INPP5F: variants seen among roughly 807,000 people sequenced by gnomAD.
The protein encoded by INPP5F is phosphatidylinositide 4-phosphatase SAC2.
Under a neutral mutation model 137.2 loss-of-function variants are expected in INPP5F, and 97 were observed. The ratio of observed to expected loss-of-function variants is 0.71; its 90% CI spans 0.60 to 0.84. The LOEUF is 0.84. Among genes scored for constraint, INPP5F ranks in the 40% least tolerant of loss-of-function variants. INPP5F has a pLI of 0.00. For synonymous variants in INPP5F, 504 were observed against 476.9 expected (o/e 1.06, Z -0.74); for missense variants, 1,271 against 1,371.9 (o/e 0.93, Z 1.16).
At chr10:119,818,532 C>T (rs932410922) in intron 15 of INPP5F, among the ~76,000 whole-genome samples, 5 of 152,248 alleles carry the variant, frequency 3.3e-5, no homozygotes, top group African/African-American at 9.6e-5. Flanking sequence ...AGCGAACTCT[C>T]GCGGGAGTGG....
At chr10:119,776,907 T>A (rs1175120030) in intron 2 of INPP5F, among the ~76,000 whole-genome samples, 1 of 152,008 alleles carries the variant, frequency 6.6e-6, no homozygotes, top group African/African-American at 2.4e-5. Context: ...TGTACCACCA[T>A]GCCCAGATAA....
chr10:119,785,096 T>A (rs1849835451), intron 3 of INPP5F, among the ~76,000 whole-genome samples: 1 of 152,144 alleles, frequency 6.6e-6, no homozygotes, highest in African/African-American at 2.4e-5. Flanking sequence ...TTTTATTTAT[T>A]TGTTCATCAG....
chr10:119,808,796 C>G (rs1241514936), intron 13 of INPP5F, among the ~76,000 whole-genome samples: 1 of 152,176 alleles, frequency 6.6e-6, no homozygotes, highest in Non-Finnish European at 1.5e-5. Context: ...AATCATTCTT[C>G]AAGGTTCTAG....
At chr10:119,757,089 T>A (rs1489167156) in intron 2 of INPP5F, among the ~76,000 whole-genome samples, 1 of 151,974 alleles carries the variant, frequency 6.6e-6, no homozygotes, top group Admixed American at 6.6e-5. Flanking sequence ...ATTTATTTAT[T>A]TTTGAGACAG....
chr10:119,737,207 T>G (rs1485955320), intron 1 of INPP5F, among the ~76,000 whole-genome samples: 1 of 152,238 alleles, frequency 6.6e-6, no homozygotes, highest in African/African-American at 2.4e-5. Context: ...GTGTATTTCC[T>G]TCTGCTAGTT....
intron 2 of INPP5F, among the ~76,000 whole-genome samples, chr10:119,755,916 G>T (rs1360557273): frequency 6.6e-6 from 1 of 152,178 alleles, no homozygotes; most frequent in Non-Finnish European, 1.5e-5. Flanking sequence ...CTAGCACTTT[G>T]GGAGGCTGAG....
Position 119,820,859 on chromosome 10 carries a change from A to G in INPP5F, c.1900A>G (p.Thr634Ala), listed in dbSNP as rs769360277. Reference protein sequence around the residue: ...IDCDPSLIDATHRDVDVLLLL... With the variant: ...IDCDPSLIDAAHRDVDVLLLL... ...ATATTTGTTTAGCCTCATTGATGCT[A>G]CTCACAGAGACGTGGATGTGCTGTT... The change falls in exon 16 of 20, where the codon ACT becomes GCT. Residue 634 changes from threonine (T) to alanine (A), a missense_variant. Thr to Ala is a moderately conservative substitution (Grantham distance 58). Transcript: ENST00000650623. 1.9e-6 allele frequency: 3 copies of G among 1,609,578 alleles called. No individual in the cohort carries two copies. In the South Asian group the frequency reaches 3.3e-5, roughly 18 times the overall value.
chr10:119,766,666 A>G (rs1849173757), intron 2 of INPP5F, among the ~76,000 whole-genome samples: 1 of 151,986 alleles, frequency 6.6e-6, no homozygotes, highest in Non-Finnish European at 1.5e-5. Context: ...AAGCATTGAT[A>G]GAAACAATGG....
At chr10:119,753,295 C>T (rs1042709693) in intron 2 of INPP5F, among the ~76,000 whole-genome samples, 1 of 152,134 alleles carries the variant, frequency 6.6e-6, no homozygotes, top group Non-Finnish European at 1.5e-5. Context: ...GTTAGGAGAC[C>T]TGAAGACAAG....
At chr10:119,813,987 C>T (rs528306577) in intron 15 of INPP5F, among the ~76,000 whole-genome samples, 21 of 152,250 alleles carry the variant, frequency 1.4e-4, no homozygotes, top group Admixed American at 1.2e-3. Flanking sequence ...TGACTCCCAC[C>T]TCTGTCCAGT....
intron 2 of INPP5F, among the ~76,000 whole-genome samples, chr10:119,759,649 C>A (rs1848952410): frequency 6.6e-6 from 1 of 152,162 alleles, no homozygotes; most frequent in South Asian, 2.1e-4. Flanking sequence ...AGTCACCACG[C>A]CTGGCCTAGA....
intron 1 of INPP5F, among the ~76,000 whole-genome samples, chr10:119,750,511 T>C (rs550822053): frequency 6.6e-6 from 1 of 152,298 alleles, no homozygotes; most frequent in East Asian, 1.9e-4. Flanking sequence ...CAAATCACTG[T>C]TCTGTGGTTT....
At chr10:119,819,575 T>C (rs1315916270) in intron 15 of INPP5F, 5 of 1,546,104 alleles carry the variant, frequency 3.2e-6, no homozygotes, top group East Asian at 4.6e-5. Flanking sequence ...CATTTTACAG[T>C]GTTATTTGGT....
At chr10:119,797,721 G>A in intron 8 of INPP5F, 81 bp downstream of exon 8, 1 of 1,117,864 alleles carries the variant, frequency 8.9e-7, no homozygotes, top group Non-Finnish European at 1.2e-6. Flanking sequence ...TGTTAGGTTT[G>A]GATTTGCTTT....
chr10:119,731,129 C>T (rs1449588464), intron 1 of INPP5F, among the ~76,000 whole-genome samples: 1 of 152,000 alleles, frequency 6.6e-6, no homozygotes, highest in Non-Finnish European at 1.5e-5. Flanking sequence ...TTAGAATTCA[C>T]AGAAATGTTA....
At position 119,748,538 on chromosome 10, in the gene INPP5F, C is replaced by A. The variant is rs1189528552; in HGVS notation, c.98-2538C>A. ...ACTGGAGGGGGAGCAAGGCAGAGAG[C>A]AGCTTCATTGAGCCCCAGAAGAGCT... On this transcript the variant is annotated intron_variant, in intron 1 of 19. Coordinates refer to ENST00000650623, the MANE Select transcript of INPP5F (RefSeq NM_014937.4). The surrounding 1 kb of genome is among the most constrained non-coding windows in gnomAD (Gnocchi z 4.7). Among the ~76,000 whole-genome samples, 2 of 152,106 alleles carry A rather than the reference C, an allele frequency of 1.3e-5. No homozygotes were observed. Among genetic ancestry groups the A allele is most frequent in the Admixed American group, 1.3e-4 (2 of 15,266 alleles).
chr10:119,808,011 A>G lies in INPP5F; in HGVS notation c.1520A>G (p.Asn507Ser), dbSNP rs1251469637. ...CNRIYQIMWA[N>S]NGDSISRQYA... ...CGCATCTACCAGATAATGTGGGCCA[A>G]TAATGGTGACTCCATTAGCAGACAG... Residue 507 changes from asparagine (N) to serine (S), a missense_variant, in exon 13 of 20, where the codon AAT (asparagine) becomes AGT (serine). Asn to Ser is a conservative substitution (Grantham distance 46). Transcript: ENST00000650623. 3 of 1,613,930 alleles carry G rather than the reference A, an allele frequency of 1.9e-6. No individual in the cohort carries two copies. Among genetic ancestry groups the G allele is most frequent in the East Asian group, 2.2e-5 (1 of 44,902 alleles).
Position 119,827,580 on chromosome 10 carries a change from G to A in INPP5F, c.3199G>A (p.Ala1067Thr), listed in dbSNP as rs752073299. 1.9e-6 allele frequency: 3 copies of A among 1,614,136 alleles called. No homozygotes were observed. Among genetic ancestry groups the A allele is most frequent in the South Asian group, 1.1e-5 (1 of 91,080 alleles). The change falls in exon 20 of 20, where the codon GCA (alanine) becomes ACA (threonine). Residue 1067 changes from alanine to threonine, a missense_variant. Physicochemically the swap from Ala to Thr is moderately conservative, Grantham distance 58. Around this residue, in one of 6 missense-constraint regions of INPP5F, gnomAD observed 490 missense variants for 443.7 expected, o/e 1.10. Coordinates refer to ENST00000650623, the MANE Select transcript of INPP5F (RefSeq NM_014937.4). ...TCCTTCAGAGAGCAGTAGCAGCAGAGCAGTCTCTCCCTTTGCCAAGATTCG... is the reference window on the plus strand; with the variant it reads ...TCCTTCAGAGAGCAGTAGCAGCAGAACAGTCTCTCCCTTTGCCAAGATTCG... ...PSPSESSSSR[A>T]VSPFAKIRSS...
intron 2 of INPP5F, among the ~76,000 whole-genome samples, chr10:119,771,888 T>TACA (rs1849374642): frequency 5.1e-5 from 2 of 39,412 alleles, no homozygotes; most frequent in Non-Finnish European, 1.0e-4. Context: ...ATATATTTTT[T>TACA]TTTTTTTTTT....
Sources: allele counts gnomAD v4.1 joint callset (sites outside exome capture counted in the v4.1 genomes callset), GRCh38; gene constraint gnomAD v4.1.1; regional missense constraint gnomAD v4.1.1; non-coding constraint Gnocchi (gnomAD v3.1); transcripts MANE v1.5; gene names NCBI Gene and HGNC (gene_info 2026-07-23, HGNC 2026-07-21).